KCTD16: variants seen among roughly 807,000 people sequenced by gnomAD.
KCTD16 encodes the protein BTB/POZ domain-containing protein KCTD16.
Under a neutral mutation model 33.2 loss-of-function variants are expected in KCTD16, and 13 were observed. The observed-to-expected ratio is 0.39, with a 90% CI of 0.25 to 0.62. The LOEUF (loss-of-function observed/expected upper bound fraction) is 0.62. Among genes scored for constraint, KCTD16 ranks in the 20% least tolerant of loss-of-function variants. The pLI, the probability that KCTD16 is intolerant of heterozygous loss-of-function variation, is 0.50. For missense variants in KCTD16, 441 were observed against 525.1 expected (o/e 0.84, Z 1.57); for synonymous variants, 197 against 195.3 (o/e 1.01, Z -0.07).
At position 144,457,462 on chromosome 5, in the gene KCTD16, TAAGG is replaced by T. The variant is rs1379086520; in HGVS notation, c.833-16197_833-16194del. ...CTCTTCATTGACAGGTTGCCCAGGT[TAAGG>T]GAGGAGGGGGATTGGAAGGGCATTT... is the stretch of plus-strand genomic sequence containing the variant. On this transcript the variant is annotated intron_variant, in intron 3 of 3. Transcript: ENST00000512467. 2.0e-5 allele frequency among the ~76,000 whole-genome samples: 3 copies of T among 152,022 alleles called. No homozygotes were observed. In the East Asian group the frequency reaches 5.8e-4, roughly 29 times the overall value.
At chr5:144,364,321 GA>G (rs927767360) in intron 3 of KCTD16, among the ~76,000 whole-genome samples, 5 of 151,286 alleles carry the variant, frequency 3.3e-5, no homozygotes, top group African/African-American at 7.3e-5. Context: ...AGGAGTGTTA[GA>G]AAAAAAAAGT....
intron 3 of KCTD16, among the ~76,000 whole-genome samples, chr5:144,217,154 C>T (rs1370118103): frequency 2.0e-5 from 3 of 152,308 alleles, no homozygotes; most frequent in Middle Eastern, 3.4e-3. Flanking sequence ...AGCTGGATCA[C>T]GTTGAAAAGC....
At position 144,207,191 on chromosome 5, in the gene KCTD16, C is replaced by T. The variant is rs200806853; in HGVS notation, c.477C>T (p.Ala159=). 1.4e-5 allele frequency: 23 copies of T among 1,613,166 alleles called. No homozygotes were observed. The highest frequency in any genetic ancestry group is 6.7e-5 in the Admixed American group (4 of 59,894). ...RICPPSSLLP[A]DRKWGFITVG... ...GCCCCCCTTCCTCCCTGCTCCCTGC[C>T]GACCGCAAGTGGGGTTTCATTACTG... Residue 159 remains alanine (A), a synonymous_variant, in exon 3 of 4, where the codon GCC becomes GCT. Transcript: ENST00000512467.
At chr5:144,195,025 C>T (rs1484432415) in intron 2 of KCTD16, among the ~76,000 whole-genome samples, 3 of 152,144 alleles carry the variant, frequency 2.0e-5, no homozygotes, top group Non-Finnish European at 4.4e-5. Flanking sequence ...TCCTTTGTGT[C>T]ACACACTTGC....
chr5:144,231,034 T>C (rs1022017646), intron 3 of KCTD16, among the ~76,000 whole-genome samples: 3 of 152,202 alleles, frequency 2.0e-5, no homozygotes, highest in Non-Finnish European at 4.4e-5. Context: ...AAGGGCCTTA[T>C]GTGACGTGCT....
intron 3 of KCTD16, among the ~76,000 whole-genome samples, chr5:144,472,503 T>C (rs978258489): frequency 5.9e-5 from 9 of 152,190 alleles, no homozygotes; most frequent in African/African-American, 1.9e-4. Context: ...GAGGAACTCA[T>C]ATTGGCTTAA....
intron 3 of KCTD16, among the ~76,000 whole-genome samples, chr5:144,430,686 C>T (rs1435940806): frequency 1.3e-5 from 2 of 152,112 alleles, no homozygotes; most frequent in Admixed American, 6.6e-5. Context: ...CATCATCTGT[C>T]GTTAGTGCTT....
rs186339570 is a variant in KCTD16, at chr5:144,347,487, T to G, written c.833-126173T>G. On this transcript the variant is annotated intron_variant, in intron 3 of 3. Coordinates refer to ENST00000512467, the MANE Select transcript of KCTD16 (RefSeq NM_020768.4). ...GCAAGCACCTGCAATCCCAGCTACT[T>G]GGGAGGCTGAAGCAGGAGAATCGCT... Among the ~76,000 whole-genome samples, 777 of 152,068 alleles carry G rather than the reference T, an allele frequency of 5.1e-3. 3 individuals are homozygous for G. Among genetic ancestry groups the G allele is most frequent in the Non-Finnish European group, 7.9e-3 (536 of 67,974 alleles).
Position 144,302,053 on chromosome 5 carries a change from C to T in KCTD16, c.832+94507C>T, listed in dbSNP as rs377240536. 7.2e-5 allele frequency among the ~76,000 whole-genome samples: 11 copies of T among 152,072 alleles called. No individual in the cohort carries two copies. In the East Asian group the frequency reaches 1.3e-3, roughly 19 times the overall value. On this transcript the variant is annotated intron_variant, in intron 3 of 3. Coordinates refer to ENST00000512467, the MANE Select transcript of KCTD16 (RefSeq NM_020768.4). ...TAAAAATTAGGTTTTATTACTATCC[C>T]CTTTTAAAAATGAGAAGATTGTGGT...
intron 3 of KCTD16, chr5:144,383,163 G>T (rs750023349): frequency 6.6e-6 from 1 of 152,112 alleles, no homozygotes; most frequent in Non-Finnish European, 1.5e-5. Context: ...AGCAGAAGAC[G>T]CATAGTTGAA....
intron 3 of KCTD16, among the ~76,000 whole-genome samples, chr5:144,331,560 C>T (rs897638447): frequency 2.6e-5 from 4 of 152,010 alleles, no homozygotes; most frequent in African/African-American, 7.2e-5. Context: ...AATGTGTTAC[C>T]CTAGATGTGA....
chr5:144,295,145 A>G (rs1469921858), intron 3 of KCTD16, among the ~76,000 whole-genome samples: 3 of 152,232 alleles, frequency 2.0e-5, no homozygotes, highest in Non-Finnish European at 4.4e-5. Flanking sequence ...AATCAAATAA[A>G]GTGCCAAGCA....
chr5:144,402,883 C>T (rs769597998), intron 3 of KCTD16, among the ~76,000 whole-genome samples: 1 of 152,072 alleles, frequency 6.6e-6, no homozygotes, highest in Non-Finnish European at 1.5e-5. Context: ...ATTCTGTTAC[C>T]GTTTGGAGGT....
chr5:144,362,244 G>T (rs1238639466), intron 3 of KCTD16, among the ~76,000 whole-genome samples: 1 of 152,128 alleles, frequency 6.6e-6, no homozygotes, highest in East Asian at 1.9e-4. Flanking sequence ...TTGATATCCA[G>T]GTTGCCATGG....
chr5:144,276,793 C>T (rs555808733), intron 3 of KCTD16, among the ~76,000 whole-genome samples: 1 of 151,966 alleles, frequency 6.6e-6, no homozygotes, highest in South Asian at 2.1e-4. Flanking sequence ...ATCCCAGCTA[C>T]TCGGGAGGCT....
intron 3 of KCTD16, among the ~76,000 whole-genome samples, chr5:144,257,462 A>G (rs549732522): frequency 2.6e-5 from 4 of 151,846 alleles, no homozygotes; most frequent in Non-Finnish European, 5.9e-5. Flanking sequence ...TTCTCATCCC[A>G]TGGAGTAATC....
intron 3 of KCTD16, among the ~76,000 whole-genome samples, chr5:144,361,845 C>T (rs918693839): frequency 3.0e-4 from 45 of 151,546 alleles, no homozygotes; most frequent in African/African-American, 1.0e-3. Flanking sequence ...TATGTAAAGT[C>T]TGGTCCCAAG....
intron 3 of KCTD16, among the ~76,000 whole-genome samples, chr5:144,449,679 A>G (rs1193371109): frequency 6.6e-6 from 1 of 152,030 alleles, no homozygotes; most frequent in Non-Finnish European, 1.5e-5. Flanking sequence ...GAACCTAGAT[A>G]TAAATCCATG....
intron 3 of KCTD16, among the ~76,000 whole-genome samples, chr5:144,306,140 T>C (rs1282865330): frequency 6.6e-6 from 1 of 152,352 alleles, no homozygotes; most frequent in South Asian, 2.1e-4. Flanking sequence ...CAGAGGTTTA[T>C]GTAGCTACAG....
Sources: allele counts gnomAD v4.1 joint callset (sites outside exome capture counted in the v4.1 genomes callset), GRCh38; gene constraint gnomAD v4.1.1; transcripts MANE v1.5; gene names NCBI Gene and HGNC (gene_info 2026-07-23, HGNC 2026-07-21).